Variants in TMEM164 observed in about 807,000 individuals in gnomAD.
TMEM164 encodes transmembrane protein 164.
Under a neutral mutation model 18.8 loss-of-function variants are expected in TMEM164, and 4 were observed. The observed-to-expected ratio is 0.21, with a 90% CI of 0.10 to 0.49. The LOEUF (loss-of-function observed/expected upper bound fraction) is 0.49, where lower values mean the gene tolerates loss of function less well. Ranked by LOEUF, TMEM164 falls within the 20% of genes least tolerant of loss-of-function variation. TMEM164 has a pLI of 0.98. For synonymous variants in TMEM164, 86 were observed against 101.7 expected (o/e 0.85, Z 0.93); for missense variants, 108 against 239.9 (o/e 0.45, Z 3.63).
chrX:110,003,169 T>A lies in TMEM164; in HGVS notation c.-284T>A, dbSNP rs1267821482. On this transcript the variant is annotated 5_prime_UTR_variant, in exon 1 of 7. Coordinates refer to ENST00000372068, the MANE Select transcript of TMEM164 (RefSeq NM_032227.4). ...CGCGGTTGCAGGAGTAAGAGATCCC[T>A]CTGTGGCGAGTGCGTGAGACGAGGA... The A allele has an allele frequency of 8.9e-6, 1 of 112,764 alleles. No individual in the cohort carries two copies. The highest frequency in any genetic ancestry group is 3.2e-5 in the African/African-American group (1 of 31,034). The allele number at this position is 112,764 out of a possible 1,213,427, so 9.3% of individuals were successfully genotyped here. A position where few individuals can be genotyped will look rare whatever the true frequency, so the allele number is the denominator to read the frequency against.
chrX:110,070,794 C>T (rs544259413), intron 3 of TMEM164, among the ~76,000 whole-genome samples: 1 of 111,391 alleles, frequency 9.0e-6, no homozygotes, highest in African/African-American at 3.3e-5. Flanking sequence ...CCCCCAACCA[C>T]GCCGTAATGA....
intron 3 of TMEM164, among the ~76,000 whole-genome samples, chrX:110,106,683 G>A (rs1243422560): frequency 3.6e-5 from 4 of 111,808 alleles, no homozygotes; most frequent in African/African-American, 1.3e-4. Context: ...CCAGAATCCA[G>A]CTTTCATCTG....
In TMEM164 at chrX:110,175,661, G is replaced by A; in HGVS notation, c.*2210G>A. On this transcript the variant is annotated 3_prime_UTR_variant, in exon 7 of 7. Transcript: ENST00000372068. ...AAGCCAGAGACAGATCCACCTGTCA[G>A]AGGAAGGAAGAAGTAAAGGGGGCAT... The A allele has an allele frequency of 1.5e-6, 1 of 666,932 alleles. No homozygotes were observed. The highest frequency in any genetic ancestry group is 1.8e-6 in the Non-Finnish European group (1 of 559,347). 55.0% of individuals were successfully genotyped at this position (666,932 alleles called of 1,213,427 possible).
intron 5 of TMEM164, among the ~76,000 whole-genome samples, chrX:110,161,178 T>C (rs1396800506): frequency 8.9e-6 from 1 of 112,135 alleles, no homozygotes. Flanking sequence ...CTAGTTACTT[T>C]CTGGGACCAG....
intron 5 of TMEM164, among the ~76,000 whole-genome samples, chrX:110,150,653 T>C (rs1206189548): frequency 8.9e-6 from 1 of 112,540 alleles, no homozygotes; most frequent in Non-Finnish European, 1.9e-5. Flanking sequence ...AGAGTTTGTT[T>C]TTTTGCATAT....
chrX:110,086,426 G>A (rs2065852024), intron 3 of TMEM164, among the ~76,000 whole-genome samples: 1 of 110,976 alleles, frequency 9.0e-6, no homozygotes, highest in African/African-American at 3.3e-5. Flanking sequence ...AAACAAATTA[G>A]TGTGGTTGTG....
At chrX:110,165,575 G>C in intron 5 of TMEM164, among the ~76,000 whole-genome samples, 1 of 111,937 alleles carries the variant, frequency 8.9e-6, no homozygotes, top group Non-Finnish European at 1.9e-5. Context: ...TCCTCCTTCA[G>C]CCTTTTATCA....
At chrX:110,148,932 T>G (rs1156998371) in intron 5 of TMEM164, among the ~76,000 whole-genome samples, 1 of 111,078 alleles carries the variant, frequency 9.0e-6, no homozygotes, top group Non-Finnish European at 1.9e-5. Context: ...TACAACTCTG[T>G]CTTCCCTCTT....
chrX:110,108,670 G>A (rs1019027920), intron 3 of TMEM164, among the ~76,000 whole-genome samples: 2 of 111,847 alleles, frequency 1.8e-5, no homozygotes, highest in South Asian at 3.7e-4. Context: ...GTGTAAATAA[G>A]CAGCCATGTT....
At chrX:110,105,786 AGAG>A (rs2066192223) in intron 3 of TMEM164, among the ~76,000 whole-genome samples, 1 of 105,489 alleles carries the variant, frequency 9.5e-6, no homozygotes, top group Non-Finnish European at 1.9e-5. Context: ...AGAGAGAGAG[AGAG>A]AGAGAACATA....
At chrX:110,135,400 T>G (rs1324803674) in intron 4 of TMEM164, among the ~76,000 whole-genome samples, 1 of 111,918 alleles carries the variant, frequency 8.9e-6, no homozygotes, top group African/African-American at 3.2e-5. Flanking sequence ...GGTTGCTTTT[T>G]TAAATTACAA....
At chrX:110,008,299 A>G (rs1245296454) in intron 2 of TMEM164, among the ~76,000 whole-genome samples, 1 of 111,938 alleles carries the variant, frequency 8.9e-6, no homozygotes, top group Non-Finnish European at 1.9e-5. Flanking sequence ...AGAAGACCTG[A>G]TGGATTTGAG....
intron 3 of TMEM164, among the ~76,000 whole-genome samples, chrX:110,086,660 G>A (rs1328691119): frequency 1.5e-5 from 1 of 65,634 alleles, no homozygotes; most frequent in Non-Finnish European, 2.9e-5. Flanking sequence ...ATATATATAT[G>A]TGTGTGTGTA....
intron 2 of TMEM164, among the ~76,000 whole-genome samples, chrX:110,017,894 G>A (rs1933569496): frequency 9.0e-6 from 1 of 111,326 alleles, no homozygotes; most frequent in Non-Finnish European, 1.9e-5. Context: ...TACCTGGCTG[G>A]TATAGCAACT....
chrX:110,049,381 G>A (rs896597747), intron 2 of TMEM164, among the ~76,000 whole-genome samples: 3 of 110,336 alleles, frequency 2.7e-5, no homozygotes, highest in African/African-American at 9.9e-5. Flanking sequence ...GAGGTGGGGG[G>A]TGGGGGAGGA....
At chrX:110,114,605 G>A (rs2066334810) in intron 4 of TMEM164, among the ~76,000 whole-genome samples, 1 of 111,771 alleles carries the variant, frequency 8.9e-6, no homozygotes, top group African/African-American at 3.3e-5. Context: ...ATGAGACACT[G>A]GGCCCATGCT....
chrX:110,165,787 T>C (rs768284589), intron 5 of TMEM164, among the ~76,000 whole-genome samples: 5 of 112,059 alleles, frequency 4.5e-5, no homozygotes, highest in Non-Finnish European at 9.4e-5. Context: ...ACTGAAGCCA[T>C]AGACCTGGAA....
chrX:110,039,070 T>C (rs1034546912), intron 2 of TMEM164, among the ~76,000 whole-genome samples: 10 of 111,925 alleles, frequency 8.9e-5, no homozygotes, highest in African/African-American at 3.2e-4. Context: ...TTAATTTCTT[T>C]GAACCTCAGT....
At chrX:110,117,969 G>A (rs1363602127) in intron 4 of TMEM164, among the ~76,000 whole-genome samples, 7 of 112,021 alleles carry the variant, frequency 6.2e-5, no homozygotes, top group Non-Finnish European at 1.1e-4. Flanking sequence ...CTGGAGTGCA[G>A]TGGTGTGATT....
Sources: gnomAD v4.1 joint callset for allele counts (sites outside exome capture counted in the v4.1 genomes callset) on GRCh38, gnomAD v4.1.1 for gene constraint, MANE v1.5 for transcripts, NCBI Gene and HGNC (gene_info 2026-07-23, HGNC 2026-07-21) for gene names.